The following KASH5 variants were observed in gnomAD, a reference collection of about 807,000 sequenced individuals.
The protein encoded by KASH5 is KASH domain containing 5.
KASH5 carries 72 observed loss-of-function variants against 84.2 expected under a neutral mutation model. That is an observed-to-expected ratio of 0.85 (90% CI 0.71 to 1.04). The LOEUF (loss-of-function observed/expected upper bound fraction) is 1.04. Among genes scored for constraint, KASH5 ranks in the 50% least tolerant of loss-of-function variants. The pLI is 0.00. For synonymous variants in KASH5, 260 were observed against 279.1 expected, an observed-to-expected ratio of 0.93 and a Z score of 0.68; for missense variants, 650 against 701.0, an observed-to-expected ratio of 0.93 and a Z score of 0.82.
At chr19:49,411,955 GGAAGGAAGGAAGGAAGGAAAGAAGGA>G (rs1483347624) in intron 15 of KASH5, among the ~76,000 whole-genome samples, 20 of 147,768 alleles carry the variant, frequency 1.4e-4, no homozygotes, top group African/African-American at 4.4e-4. Context: ...AAGGAAGGAA[GGAAGGAAGGAAGGAAGGAAAGAAGGA>G]AGCCAGCCTT....
rs1447973461 is a variant in KASH5 at position 49,417,155 on chromosome 19, G to A, written c.1440-4G>A. The A allele has an allele frequency of 6.2e-7, 1 of 1,613,388 alleles. No homozygotes were observed. ...AGTGGTGATTCCCTCCTTCACCCCA[G>A]CAGACCTGCGCGGCGGGAACTCCAG... On this transcript the variant is annotated splice_region_variant and splice_polypyrimidine_tract_variant and intron_variant, in intron 18 of 19. Transcript: ENST00000447857. The surrounding 1 kb of genome is among the most constrained non-coding windows in gnomAD (Gnocchi z 5.2).
At position 49,401,922 on chromosome 19, in the gene KASH5, G is replaced by A. The variant is rs374774825; in HGVS notation, c.798+2415G>A. ...ACATGGAATGCAGCAGGATGTGACA[G>A]TTTCTTTCAGAACATCCCTTTTTAA... On this transcript the variant is annotated intron_variant, in intron 9 of 19. Transcript: ENST00000447857. Among the ~76,000 whole-genome samples, 7 of 152,284 alleles carry A rather than the reference G, an allele frequency of 4.6e-5. No individual in the cohort carries two copies. The South Asian group carries it at 1.5e-3, about 32-fold the overall frequency.
chr19:49,409,051 G>A lies in KASH5; in HGVS notation c.1058+20G>A, dbSNP rs1974625370. 6.3e-6 allele frequency: 10 copies of A among 1,585,726 alleles called. No homozygotes were observed. The highest frequency in any genetic ancestry group is 7.7e-6 in the Non-Finnish European group (9 of 1,166,280). The stretch of plus-strand genomic sequence containing the variant: ...CGATGAGTGAGTGGAATTTCAAGGG[G>A]TAGGAGGAGGCAGGAGGGGAGCCTA... On this transcript the variant is annotated intron_variant, in intron 13 of 19. Coordinates refer to ENST00000447857, the MANE Select transcript of KASH5 (RefSeq NM_144688.5).
Position 49,409,807 on chromosome 19 carries a change from T to C in KASH5, c.1201T>C (p.Trp401Arg). ...LSNPLCGVWQWEEVIHETSEE... is the reference protein window; with the variant it reads ...LSNPLCGVWQREEVIHETSEE... ...CAACCCTCTGTGTGGGGTGTGGCAGTGGGAGGAAGTCATCCATGAGACCAG... is the reference window on the plus strand; with the variant it reads ...CAACCCTCTGTGTGGGGTGTGGCAGCGGGAGGAAGTCATCCATGAGACCAG... Residue 401 changes from tryptophan (W) to arginine (R), a missense_variant, in exon 15 of 20, where the codon TGG becomes CGG. Transcript: ENST00000447857. 6.2e-7 allele frequency: 1 copy of C among 1,613,926 alleles called. No individual in the cohort carries two copies. Among genetic ancestry groups the C allele is most frequent in the Middle Eastern group, 1.7e-4 (1 of 6,060 alleles).
chr19:49,391,985 G>A (rs1350468093), intron 2 of KASH5, among the ~76,000 whole-genome samples: 1 of 152,210 alleles, frequency 6.6e-6, no homozygotes, highest in Non-Finnish European at 1.5e-5. Context: ...CCAGATAGGA[G>A]GGTCAGAGGT....
intron 17 of KASH5, chr19:49,415,483 C>T (rs952373249): frequency 4.7e-4 from 100 of 211,072 alleles, no homozygotes; most frequent in Middle Eastern, 1.9e-3. Flanking sequence ...CAGGCAAGGA[C>T]GGGGAAAGAA....
chr19:49,403,540 G>C (rs943758806), intron 9 of KASH5, among the ~76,000 whole-genome samples: 1 of 152,188 alleles, frequency 6.6e-6, no homozygotes, highest in African/African-American at 2.4e-5. Flanking sequence ...ACCTTTTTCA[G>C]CCTCTAGAGT....
intron 1 of KASH5, among the ~76,000 whole-genome samples, chr19:49,388,857 C>T (rs541040647): frequency 6.6e-6 from 1 of 152,142 alleles, no homozygotes; most frequent in African/African-American, 2.4e-5. Flanking sequence ...CTATTACTCT[C>T]CCCAGATCAG....
In KASH5 at chr19:49,395,988, C is replaced by G. The variant is rs1261320551; in HGVS notation, c.400+155C>G. On this transcript the variant is annotated intron_variant, in intron 5 of 19. Coordinates refer to ENST00000447857, the MANE Select transcript of KASH5 (RefSeq NM_144688.5). This position sits in a 1 kb window ranked among gnomAD's most constrained non-coding sequence, Gnocchi z 4.4. ...TGGCTTTCTAGGTCCTCCGTCCCTT[C>G]CTTCCGTGAGCTTTGGGTTTCTTTT... Among the ~76,000 whole-genome samples, 3 of 152,164 alleles carry G rather than the reference C, an allele frequency of 2.0e-5. No homozygotes were observed.
At chr19:49,392,531 C>T (rs1310132784) in intron 2 of KASH5, among the ~76,000 whole-genome samples, 2 of 152,182 alleles carry the variant, frequency 1.3e-5, no homozygotes, top group African/African-American at 4.8e-5. Context: ...GTCCTGAGTT[C>T]TATTCCCAGC....
intron 14 of KASH5, 138 bp downstream of exon 14, chr19:49,409,421 C>T: frequency 1.1e-6 from 1 of 933,092 alleles, no homozygotes; most frequent in South Asian, 1.6e-5. Context: ...TAGCTTTTCT[C>T]TAACTCTCTC....
chr19:49,388,440 AG>A (rs1217320775), intron 1 of KASH5, 113 bp downstream of exon 1: 5 of 152,180 alleles, frequency 3.3e-5, no homozygotes, highest in Non-Finnish European at 7.3e-5. Context: ...AGGGCCCCCC[AG>A]ATCCTGACCA....
In KASH5 at chr19:49,417,357, C is replaced by T; in HGVS notation, c.1548-12C>T. On this transcript the variant is annotated splice_polypyrimidine_tract_variant and intron_variant, in intron 19 of 19. Coordinates refer to ENST00000447857, the MANE Select transcript of KASH5 (RefSeq NM_144688.5). This position sits in a 1 kb window ranked among gnomAD's most constrained non-coding sequence, Gnocchi z 5.2. ...AGACCCTGCCCTAAATGCTCTCCCA[C>T]CTCCCCACCAGAGTCACTCGACATC... is the stretch of plus-strand genomic sequence containing the variant. 6.4e-7 allele frequency: 1 copy of T among 1,553,048 alleles called. No individual in the cohort carries two copies. Among genetic ancestry groups the T allele is most frequent in the Non-Finnish European group, 8.7e-7 (1 of 1,147,296 alleles).
chr19:49,394,538 A>G lies in KASH5; in HGVS notation c.106A>G (p.Ile36Val). ...AATGCCGGTCAGCTTGGAGGAGCAAATACTCAACTCCACGTTCGAAGCTTG... is the reference window on the plus strand; with the variant it reads ...AATGCCGGTCAGCTTGGAGGAGCAAGTACTCAACTCCACGTTCGAAGCTTG... ...LGMPVSLEEQILNSTFEACDP... is the reference protein window; with the variant it reads ...LGMPVSLEEQVLNSTFEACDP... The change falls in exon 3 of 20, where the codon ATA becomes GTA. Residue 36 changes from isoleucine to valine, a missense_variant. Coordinates refer to ENST00000447857, the MANE Select transcript of KASH5 (RefSeq NM_144688.5). 6.2e-7 allele frequency: 1 copy of G among 1,613,696 alleles called. No individual in the cohort carries two copies. Among genetic ancestry groups the G allele is most frequent in the South Asian group, 1.1e-5 (1 of 91,068 alleles).
chr19:49,415,384 T>C, intron 17 of KASH5: 1 of 328,530 alleles, frequency 3.0e-6, no homozygotes, highest in East Asian at 8.2e-5. Flanking sequence ...GGGGGCGTAG[T>C]GCCCGCAGCC....
Position 49,409,245 on chromosome 19 carries a change from C to T in KASH5, c.1108C>T (p.Pro370Ser), listed in dbSNP as rs767172404. 1.9e-5 allele frequency: 30 copies of T among 1,613,848 alleles called. No individual in the cohort carries two copies. The East Asian group carries it at 5.8e-4, about 31-fold the overall frequency. ...LRRVGWTELL[P>S]PSLGLEIEAI... is the part of the protein sequence containing the mutation. ...AAGAGTGGGCTGGACCGAGCTGCTA[C>T]CCCCATCGCTGGGCTTGGAGATCGA... Residue 370 changes from proline to serine, a missense_variant, in exon 14 of 20, where the codon CCC (proline) becomes TCC (serine). Transcript: ENST00000447857.
At chr19:49,410,981 C>G (rs575332831) in intron 15 of KASH5, among the ~76,000 whole-genome samples, 19 of 151,124 alleles carry the variant, frequency 1.3e-4, no homozygotes, top group African/African-American at 4.4e-4. Flanking sequence ...CTCTGTTGCC[C>G]CGGCTGGGGT....
In KASH5 at chr19:49,409,231, G is replaced by A; in HGVS notation, c.1094G>A (p.Trp365Ter). Residue 365 changes from tryptophan to a stop codon, truncating the protein, a stop_gained, in exon 14 of 20, where the codon TGG becomes TAG. Coordinates refer to ENST00000447857, the MANE Select transcript of KASH5 (RefSeq NM_144688.5). LOFTEE classifies it high-confidence loss of function. Reference sequence around the variant, plus strand: ...GGGGCCCAGCTGAGAAGAGTGGGCTGGACCGAGCTGCTACCCCCATCGCTG... The same window carrying A: ...GGGGCCCAGCTGAGAAGAGTGGGCTAGACCGAGCTGCTACCCCCATCGCTG... ...PEGAQLRRVG[W>*]TELLPPSLGL... 1 of 1,613,952 alleles carries A rather than the reference G, an allele frequency of 6.2e-7. No individual in the cohort carries two copies. The highest frequency in any genetic ancestry group is 8.5e-7 in the Non-Finnish European group (1 of 1,179,878).
intron 9 of KASH5, among the ~76,000 whole-genome samples, chr19:49,403,385 AG>A (rs10570219): frequency 0.44 from 45,847 of 103,250 alleles, 7,987 homozygotes; most frequent in African/African-American, 0.6. Context: ...ATAAAAAAAA[AG>A]GGGGGGGGCA....
Sources: gnomAD v4.1 joint callset for allele counts (sites outside exome capture counted in the v4.1 genomes callset) on GRCh38, gnomAD v4.1.1 for gene constraint, Gnocchi (gnomAD v3.1) non-coding constraint, MANE v1.5 for transcripts, NCBI Gene and HGNC (gene_info 2026-07-23, HGNC 2026-07-21) for gene names.